ENTREP2: variants seen among roughly 807,000 people sequenced by gnomAD.
ENTREP2 encodes the protein endosomal transmembrane epsin interactor 2, also known as protein ENTREP2.
chr15:29,379,082 C>A, the ENTREP2 span, among the ~76,000 whole-genome samples: 1 of 152,238 alleles, frequency 6.6e-6, no homozygotes, highest in African/African-American at 2.4e-5. Context: ...ACACTTCCGT[C>A]TGCAGTGCAG....
At chr15:29,145,867 A>G in the ENTREP2 span, among the ~76,000 whole-genome samples, 1 of 152,188 alleles carries the variant, frequency 6.6e-6, no homozygotes, top group South Asian at 2.1e-4. Flanking sequence ...AGAGTGAAGT[A>G]AACTGATTTC....
At chr15:29,556,013 A>AT in the ENTREP2 span, among the ~76,000 whole-genome samples, 1 of 152,208 alleles carries the variant, frequency 6.6e-6, no homozygotes, top group Non-Finnish European at 1.5e-5. Context: ...CAACACTTTG[A>AT]AAGGCCAAGG....
the ENTREP2 span, among the ~76,000 whole-genome samples, chr15:29,368,341 T>A: frequency 0.088 from 11,921 of 134,938 alleles, 672 homozygotes; most frequent in African/African-American, 0.16. Flanking sequence ...AAAAAAAATA[T>A]ATATATATAT....
the ENTREP2 span, among the ~76,000 whole-genome samples, chr15:29,543,152 TGAC>T: frequency 2.1e-5 from 1 of 48,530 alleles, no homozygotes; most frequent in Admixed American, 1.5e-4. Context: ...ACTGTCTACA[TGAC>T]ATGTTAGTCA....
At chr15:29,293,860 T>C in the ENTREP2 span, among the ~76,000 whole-genome samples, 1 of 152,334 alleles carries the variant, frequency 6.6e-6, no homozygotes, top group South Asian at 2.1e-4. Context: ...ATGGAATTCT[T>C]TGGGGTTCGC....
the ENTREP2 span, among the ~76,000 whole-genome samples, chr15:29,261,733 TA>T: frequency 1.3e-5 from 2 of 152,032 alleles, no homozygotes; most frequent in Non-Finnish European, 2.9e-5. Flanking sequence ...TTGGAAAATT[TA>T]AAAAGATCAC....
chr15:29,234,395 T>A, the ENTREP2 span: 10 of 1,551,944 alleles, frequency 6.4e-6, no homozygotes, highest in Non-Finnish European at 8.9e-6. Context: ...ATTATTAAGA[T>A]GGGAAGCAAT....
chr15:29,479,595 G>T, the ENTREP2 span, among the ~76,000 whole-genome samples: 2 of 150,844 alleles, frequency 1.3e-5, no homozygotes, highest in Non-Finnish European at 2.9e-5. Flanking sequence ...AATAGCTTTG[G>T]CTGCAATTCT....
the ENTREP2 span, among the ~76,000 whole-genome samples, chr15:29,386,823 G>A: frequency 2.6e-5 from 4 of 152,308 alleles, no homozygotes; most frequent in South Asian, 4.1e-4. Context: ...GTATAAAAAT[G>A]CTTGTGAATT....
chr15:29,544,015 T>C, the ENTREP2 span, among the ~76,000 whole-genome samples: 5 of 151,666 alleles, frequency 3.3e-5, no homozygotes, highest in African/African-American at 9.7e-5. Context: ...ATATTTTCTT[T>C]TATTTTTATA....
At chr15:29,425,981 TAATTATTAAATTTATATAATTCTATA>T in the ENTREP2 span, among the ~76,000 whole-genome samples, 3 of 150,352 alleles carry the variant, frequency 2.0e-5, no homozygotes, top group Non-Finnish European at 4.4e-5. Context: ...TAACTAAATA[TAATTATTAAATTTATATAATTCTATA>T]AATTATTGAA....
the ENTREP2 span, among the ~76,000 whole-genome samples, chr15:29,659,802 A>ATTTT: frequency 3.4e-5 from 5 of 147,146 alleles, 1 homozygote; most frequent in African/African-American, 1.2e-4. Context: ...ATGCCACTAT[A>ATTTT]TTTTTTTTTT....
the ENTREP2 span, among the ~76,000 whole-genome samples, chr15:29,369,592 AAC>A: frequency 0.23 from 34,145 of 149,240 alleles, 5,465 homozygotes; most frequent in African/African-American, 0.47. Context: ...GCTGAAATTA[AAC>A]ACACACACAC....
At chr15:29,138,572 TG>T in the ENTREP2 span, among the ~76,000 whole-genome samples, 2 of 94,932 alleles carry the variant, frequency 2.1e-5, no homozygotes, top group East Asian at 6.6e-4. Flanking sequence ...CATGTGTATG[TG>T]CATGTGCATG....
At chr15:29,145,659 A>G in the ENTREP2 span, among the ~76,000 whole-genome samples, 1 of 150,628 alleles carries the variant, frequency 6.6e-6, no homozygotes, top group Non-Finnish European at 1.5e-5. Flanking sequence ...CCAACAAACT[A>G]GGAATAGAAG....
the ENTREP2 span, among the ~76,000 whole-genome samples, chr15:29,274,576 A>T: frequency 7.8e-3 from 1,189 of 152,310 alleles, 10 homozygotes; most frequent in Non-Finnish European, 0.012. Flanking sequence ...TAAGTGAGAT[A>T]GGTTTACCCA....
chr15:29,396,045 G>A, the ENTREP2 span, among the ~76,000 whole-genome samples: 1 of 152,160 alleles, frequency 6.6e-6, no homozygotes, highest in Non-Finnish European at 1.5e-5. Context: ...TACATATACT[G>A]TGAAATGATT....
the ENTREP2 span, among the ~76,000 whole-genome samples, chr15:29,134,882 T>C: frequency 6.6e-6 from 1 of 152,114 alleles, no homozygotes; most frequent in Non-Finnish European, 1.5e-5. Flanking sequence ...GTCTGAACCC[T>C]GTGCTAGGGT....
chr15:29,473,886 C>T, the ENTREP2 span, among the ~76,000 whole-genome samples: 185 of 152,304 alleles, frequency 1.2e-3, 8 homozygotes, highest in East Asian at 0.033. Flanking sequence ...AGCTAGGAGG[C>T]CCCCGGAGGC....
Sources: allele counts gnomAD v4.1 joint callset (sites outside exome capture counted in the v4.1 genomes callset), GRCh38; gene constraint gnomAD v4.1.1; transcripts MANE v1.5; gene names NCBI Gene and HGNC (gene_info 2026-07-23, HGNC 2026-07-21).